ZNF280D: variants seen among roughly 807,000 people sequenced by gnomAD.
The protein encoded by ZNF280D is suppressor of hairy wing homolog 4.
Under a neutral mutation model 94.7 loss-of-function variants are expected in ZNF280D, and 39 were observed. That is an observed-to-expected ratio of 0.41 (90% CI 0.32 to 0.54). The LOEUF is 0.54. ZNF280D is among the 20% of genes least tolerant of loss of function. The probability of loss-of-function intolerance (pLI) is 0.22; values close to 1 mark genes in which losing one functional copy is unlikely to be tolerated. For missense variants in ZNF280D, 1,090 were observed against 1,149.3 expected (o/e 0.95, Z 0.75); for synonymous variants, 398 against 377.6 (o/e 1.05, Z -0.63).
At chr15:56,732,656 C>T (rs2058952577) in intron 1 of ZNF280D, 1 of 151,998 alleles carries the variant, frequency 6.6e-6, no homozygotes, top group Non-Finnish European at 1.5e-5. Context: ...CCAAAGGTCT[C>T]CCGTGCTTGC....
At chr15:56,701,964 T>C (rs1171303009) in intron 4 of ZNF280D, among the ~76,000 whole-genome samples, 2 of 147,300 alleles carry the variant, frequency 1.4e-5, no homozygotes, top group Non-Finnish European at 3.0e-5. Context: ...TATCAAATTA[T>C]AGTTTGGAAG....
intron 20 of ZNF280D, among the ~76,000 whole-genome samples, chr15:56,638,964 C>T (rs1039881027): frequency 1.3e-5 from 2 of 151,396 alleles, no homozygotes; most frequent in African/African-American, 4.8e-5. Context: ...AAAGACATAC[C>T]TTAACATGAA....
rs867117125 is a variant in ZNF280D, at chr15:56,669,936, T to A, written c.1411-979A>T. Among the ~76,000 whole-genome samples the A allele has an allele frequency of 7.6e-4, 3 of 3,926 alleles. 1 individual carries two copies. Among genetic ancestry groups the A allele is most frequent in the African/African-American group, 1.1e-3 (1 of 916 alleles). 2.6% of individuals were successfully genotyped at this position (3,926 alleles called of 152,430 possible). On this transcript the variant is annotated intron_variant, in intron 13 of 21. Transcript: ENST00000267807. ...ATATTATATATATATTATATATATA[T>A]TATATATATATATTATATATATATA...
intron 9 of ZNF280D, among the ~76,000 whole-genome samples, chr15:56,688,462 C>A (rs2056193072): frequency 8.0e-6 from 1 of 124,444 alleles, no homozygotes. Context: ...TGCACTCCAG[C>A]ATGGGTGACA....
At position 56,654,461 on chromosome 15, in the gene ZNF280D, A is replaced by G. The variant is rs1368672063; in HGVS notation, c.2100T>C (p.Asp700=). 1.9e-6 allele frequency: 3 copies of G among 1,609,808 alleles called. No homozygotes were observed. The highest frequency in any genetic ancestry group is 2.5e-6 in the Non-Finnish European group (3 of 1,178,836). Residue 700 remains aspartate, a synonymous_variant, in exon 18 of 22, where the codon GAT becomes GAC. Coordinates refer to ENST00000267807, the MANE Select transcript of ZNF280D (RefSeq NM_017661.4). ...LVCLNCDFLS[D]VSGLDNMATH... Reference sequence around the variant, plus strand: ...TAGCCATATTATCTAAGCCAGAAACATCACTTAGGAAATCACAATTAAGGC... The same window carrying G: ...TAGCCATATTATCTAAGCCAGAAACGTCACTTAGGAAATCACAATTAAGGC...
chr15:56,685,426 A>G (rs1428588383), intron 9 of ZNF280D, among the ~76,000 whole-genome samples: 3 of 152,170 alleles, frequency 2.0e-5, no homozygotes, highest in African/African-American at 7.2e-5. Flanking sequence ...GAACAAATAA[A>G]AATTGGGAGA....
intron 13 of ZNF280D, among the ~76,000 whole-genome samples, chr15:56,673,756 T>G (rs2055023287): frequency 6.6e-6 from 1 of 152,100 alleles, no homozygotes; most frequent in East Asian, 1.9e-4. Flanking sequence ...GCCTCCTTGC[T>G]ATTCTTTGAG....
At chr15:56,640,222 T>A (rs959789594) in intron 20 of ZNF280D, among the ~76,000 whole-genome samples, 4 of 152,136 alleles carry the variant, frequency 2.6e-5, no homozygotes, top group African/African-American at 9.7e-5. Flanking sequence ...CCAAGCCATA[T>A]TGAAGCCTGA....
chr15:56,666,345 TTGC>T (rs1231430182), intron 16 of ZNF280D, 47 bp downstream of exon 16: 1 of 1,582,328 alleles, frequency 6.3e-7, no homozygotes, highest in South Asian at 1.1e-5. Flanking sequence ...AAACAGAAAC[TTGC>T]TGAACTATAA....
intron 17 of ZNF280D, among the ~76,000 whole-genome samples, chr15:56,657,393 T>C (rs2053616165): frequency 6.6e-6 from 1 of 152,242 alleles, no homozygotes; most frequent in African/African-American, 2.4e-5. Context: ...TAAAAAAGTG[T>C]TCATTCCTTT....
At chr15:56,663,441 T>C (rs1416222168) in intron 16 of ZNF280D, among the ~76,000 whole-genome samples, 3 of 151,980 alleles carry the variant, frequency 2.0e-5, no homozygotes, top group Non-Finnish European at 4.4e-5. Flanking sequence ...GGATAGGAAT[T>C]AAAGGTTCTC....
Position 56,676,719 on chromosome 15 carries a change from T to G in ZNF280D, c.1361A>C (p.Lys454Thr). The G allele has an allele frequency of 6.2e-7, 1 of 1,612,814 alleles. No homozygotes were observed. The highest frequency in any genetic ancestry group is 8.5e-7 in the Non-Finnish European group (1 of 1,179,230). Residue 454 changes from lysine to threonine, a missense_variant, in exon 13 of 22, where the codon AAA (lysine) becomes ACA (threonine). By Grantham distance (78) the Lys-to-Thr change is moderately conservative (BLOSUM62 -1). Around this residue, in one of 3 missense-constraint regions of ZNF280D, gnomAD observed 127 missense variants for 208.6 expected, o/e 0.61. Transcript: ENST00000267807. Reference sequence around the variant, plus strand: ...ATATGGTGTTGCAATTTTAATAACTTTGAGGCAAAACGGGCATAGCAAGTT... The same window carrying G: ...ATATGGTGTTGCAATTTTAATAACTGTGAGGCAAAACGGGCATAGCAAGTT... ...TKNLLCPFCL[K>T]VIKIATPYMH...
chr15:56,664,918 A>C (rs2140836261), intron 16 of ZNF280D, among the ~76,000 whole-genome samples: 1 of 152,342 alleles, frequency 6.6e-6, no homozygotes, highest in East Asian at 1.9e-4. Flanking sequence ...GGTTGACTAC[A>C]AAATTAAGAT....
intron 21 of ZNF280D, 72 bp from the exon 22 acceptor site, chr15:56,632,194 G>A (rs1386981533): frequency 4.6e-6 from 6 of 1,315,860 alleles, no homozygotes; most frequent in Middle Eastern, 2.7e-4. Flanking sequence ...AAATAAAGAC[G>A]TGTTCTAAAA....
chr15:56,700,861 G>A, intron 6 of ZNF280D, 72 bp downstream of exon 6: 2 of 1,611,728 alleles, frequency 1.2e-6, no homozygotes, highest in Non-Finnish European at 1.7e-6. Context: ...AATTGTAACT[G>A]GGTACTGTTG....
At chr15:56,724,554 C>T (rs1445707283) in intron 1 of ZNF280D, among the ~76,000 whole-genome samples, 2 of 152,150 alleles carry the variant, frequency 1.3e-5, no homozygotes, top group African/African-American at 4.8e-5. Flanking sequence ...ACCAAGGCAT[C>T]GTATCTTATA....
At chr15:56,668,985 G>A (rs1165631471) in intron 13 of ZNF280D, 28 bp from the exon 14 acceptor site, 3 of 1,588,044 alleles carry the variant, frequency 1.9e-6, no homozygotes, top group Non-Finnish European at 2.6e-6. Flanking sequence ...GAAAAAGGGG[G>A]AAAAATAATT....
chr15:56,642,762 T>A (rs2052690454), intron 20 of ZNF280D, among the ~76,000 whole-genome samples, 190 bp downstream of exon 20: 1 of 151,764 alleles, frequency 6.6e-6, no homozygotes, highest in African/African-American at 2.4e-5. Context: ...CAAGAATACC[T>A]TAAAATTTTA....
At chr15:56,649,246 C>A (rs2053072865) in intron 19 of ZNF280D, among the ~76,000 whole-genome samples, 1 of 151,984 alleles carries the variant, frequency 6.6e-6, no homozygotes. Context: ...CCTCAGGAAC[C>A]AGAGACTGAA....
Sources: gnomAD v4.1 joint callset for allele counts (sites outside exome capture counted in the v4.1 genomes callset) on GRCh38, gnomAD v4.1.1 for gene constraint, gnomAD v4.1.1 regional missense constraint, MANE v1.5 for transcripts, NCBI Gene and HGNC (gene_info 2026-07-23, HGNC 2026-07-21) for gene names.